USP7: variants seen among roughly 807,000 people sequenced by gnomAD.
USP7 encodes ubiquitin C-terminal hydrolase 7.
In USP7, 9 loss-of-function variants were observed where a neutral mutation model predicts 162.9. The observed-to-expected ratio is 0.06, with a 90% CI of 0.03 to 0.10. The LOEUF (loss-of-function observed/expected upper bound fraction) is 0.10, where lower values mean the gene tolerates loss of function less well. Among genes scored for constraint, USP7 ranks in the 10% least tolerant of loss-of-function variants. The probability of loss-of-function intolerance (pLI) is 1.00; values close to 1 mark genes in which losing one functional copy is unlikely to be tolerated. For synonymous variants in USP7, 562 were observed against 475.9 expected, an observed-to-expected ratio of 1.18 and a Z score of -2.35; for missense variants, 715 against 1,373.7, an observed-to-expected ratio of 0.52 and a Z score of 7.58.
chr16:8,906,782 T>C (rs950631487), intron 12 of USP7, among the ~76,000 whole-genome samples, 200 bp from the exon 13 acceptor site: 1 of 152,174 alleles, frequency 6.6e-6, no homozygotes, highest in African/African-American at 2.4e-5. Flanking sequence ...ATATACACTA[T>C]GAATAATTTA....
At chr16:8,941,890 A>C (rs1164887516) in intron 1 of USP7, among the ~76,000 whole-genome samples, 2 of 152,204 alleles carry the variant, frequency 1.3e-5, no homozygotes, top group Non-Finnish European at 2.9e-5. Context: ...GCTCACTAGG[A>C]AGTGGGAGGC....
intron 2 of USP7, among the ~76,000 whole-genome samples, chr16:8,924,999 G>T (rs1400810509): frequency 6.6e-6 from 1 of 152,130 alleles, no homozygotes; most frequent in Non-Finnish European, 1.5e-5. Flanking sequence ...TCTACTAAAA[G>T]GCAAGAAACT....
intron 4 of USP7, among the ~76,000 whole-genome samples, chr16:8,920,844 G>A (rs1452597540): frequency 4.6e-5 from 7 of 152,172 alleles, no homozygotes. Context: ...AATGATTACT[G>A]GAGTCACATG....
intron 1 of USP7, among the ~76,000 whole-genome samples, chr16:8,960,065 G>A (rs1238878193): frequency 1.3e-5 from 2 of 152,212 alleles, no homozygotes; most frequent in East Asian, 1.9e-4. Context: ...GACCATCTGA[G>A]TATTCAGAGG....
intron 1 of USP7, among the ~76,000 whole-genome samples, chr16:8,933,110 T>C (rs1200079854): frequency 1.3e-5 from 2 of 152,256 alleles, no homozygotes; most frequent in South Asian, 2.1e-4. Context: ...TTGGCTAATT[T>C]TGTATTTTTA....
chr16:8,897,712 A>ATATATAT (rs1567206400), intron 25 of USP7, among the ~76,000 whole-genome samples: 1 of 39,228 alleles, frequency 2.5e-5, no homozygotes, highest in Non-Finnish European at 5.1e-5. Flanking sequence ...AAAAAAAAAA[A>ATATATAT]AAAAAAAAAA....
intron 2 of USP7, among the ~76,000 whole-genome samples, chr16:8,927,617 C>A (rs368915498): frequency 4.5e-4 from 68 of 152,108 alleles, no homozygotes; most frequent in African/African-American, 1.6e-3. Flanking sequence ...AGGTGGATCA[C>A]CTGAGGTCAG....
At position 8,915,248 on chromosome 16, in the gene USP7, A is replaced by G. The variant is rs374977170; in HGVS notation, c.1078+6T>C. ...GATCATGCCATTAGATACACACAAC[A>G]CTTACTATTTTTCTTTCCTTTGATA... On this transcript the variant is annotated splice_donor_region_variant and intron_variant, in intron 10 of 30. Transcript: ENST00000344836. The G allele has an allele frequency of 6.9e-6, 11 of 1,595,518 alleles. No homozygotes were observed. The East Asian group carries it at 1.1e-4, about 16-fold the overall frequency.
At chr16:8,916,226 A>C (rs942202219) in intron 8 of USP7, among the ~76,000 whole-genome samples, 3 of 152,220 alleles carry the variant, frequency 2.0e-5, no homozygotes, top group Admixed American at 1.3e-4. Flanking sequence ...TTTCTGGATT[A>C]ATAACTCCTG....
intron 1 of USP7, among the ~76,000 whole-genome samples, chr16:8,936,384 T>A (rs572708247): frequency 4.5e-4 from 68 of 152,282 alleles, no homozygotes; most frequent in African/African-American, 1.5e-3. Context: ...CTCCCCACAA[T>A]GAACTCATTT....
intron 11 of USP7, among the ~76,000 whole-genome samples, chr16:8,910,037 C>T (rs937073801): frequency 5.9e-5 from 9 of 152,196 alleles, no homozygotes; most frequent in African/African-American, 2.2e-4. Context: ...GGTACACAGG[C>T]ACCATGAACT....
In USP7 at chr16:8,893,644, G is replaced by A. The variant is rs929153165; in HGVS notation, c.*354C>T. 8.4e-6 allele frequency: 2 copies of A among 239,392 alleles called. No homozygotes were observed. The highest frequency in any genetic ancestry group is 2.2e-5 in the African/African-American group (1 of 45,208). The allele number at this position is 239,392 out of a possible 1,614,324, so 14.8% of individuals were successfully genotyped here. A position where few individuals can be genotyped will look rare whatever the true frequency, so the allele number is the denominator to read the frequency against. On this transcript the variant is annotated 3_prime_UTR_variant, in exon 31 of 31. Coordinates refer to ENST00000344836, the MANE Select transcript of USP7 (RefSeq NM_003470.3). ...TGCAGGGCTGGTGCACGGGACCCCA[G>A]GAAGGCAGCCGAGCCACTCGTGCCC...
chr16:8,904,248 C>G (rs914218151), intron 15 of USP7, among the ~76,000 whole-genome samples, 187 bp downstream of exon 15: 1 of 152,190 alleles, frequency 6.6e-6, no homozygotes, highest in South Asian at 2.1e-4. Flanking sequence ...GGGCAGCTGC[C>G]CTGCTGTGCA....
intron 30 of USP7, 22 bp downstream of exon 30, chr16:8,894,528 C>CG (rs780351775): frequency 2.0e-6 from 3 of 1,493,592 alleles, no homozygotes; most frequent in African/African-American, 3.1e-5. Flanking sequence ...ACACCAGCCC[C>CG]CGGGGGGGGG....
intron 26 of USP7, among the ~76,000 whole-genome samples, chr16:8,896,344 T>C (rs923281397): frequency 3.3e-5 from 5 of 152,152 alleles, no homozygotes; most frequent in South Asian, 4.2e-4. Flanking sequence ...CACATTCAGC[T>C]GATAGTGGCG....
intron 1 of USP7, chr16:8,936,654 G>T (rs767454460): frequency 1.3e-6 from 2 of 1,552,106 alleles, no homozygotes; most frequent in Non-Finnish European, 1.7e-6. Flanking sequence ...GGGGATGGGG[G>T]AGGTTCTCTC....
rs78631947 is a variant in USP7, at chr16:8,943,433, G to A, written c.80-13036C>T. Among the ~76,000 whole-genome samples, 49 of 152,198 alleles carry A rather than the reference G, an allele frequency of 3.2e-4. No individual in the cohort carries two copies. The East Asian group carries it at 9.1e-3, about 28-fold the overall frequency. ...TTGCAGCACGCACGGCCGGAACCGA[G>A]CTGCACAGATGCAGTTAGGGCAAGG... On this transcript the variant is annotated intron_variant, in intron 1 of 30. Coordinates refer to ENST00000344836, the MANE Select transcript of USP7 (RefSeq NM_003470.3).
At chr16:8,910,151 G>C (rs965452742) in intron 11 of USP7, among the ~76,000 whole-genome samples, 1 of 152,058 alleles carries the variant, frequency 6.6e-6, no homozygotes, top group South Asian at 2.1e-4. Context: ...ACAGACCCTG[G>C]ATCACTGGAT....
chr16:8,949,284 T>G (rs1387646341), intron 1 of USP7, among the ~76,000 whole-genome samples: 2 of 152,228 alleles, frequency 1.3e-5, no homozygotes, highest in Non-Finnish European at 2.9e-5. Context: ...TAACTGGCAT[T>G]TAACATCGTG....
Sources: gnomAD v4.1 joint callset for allele counts (sites outside exome capture counted in the v4.1 genomes callset) on GRCh38, gnomAD v4.1.1 for gene constraint, MANE v1.5 for transcripts, NCBI Gene and HGNC (gene_info 2026-07-23, HGNC 2026-07-21) for gene names.